Variants in LRFN2 observed in about 807,000 individuals in gnomAD.
The protein encoded by LRFN2 is leucine rich repeat and fibronectin type III domain containing 2.
In LRFN2, 18 loss-of-function variants were observed where a neutral mutation model predicts 37.3. That is an observed-to-expected ratio of 0.48 (90% CI 0.33 to 0.72). The LOEUF is 0.72. Among genes scored for constraint, LRFN2 ranks in the 30% least tolerant of loss-of-function variants. The probability of loss-of-function intolerance (pLI) is 0.02; values close to 1 mark genes in which losing one functional copy is unlikely to be tolerated. For missense variants in LRFN2, 1,006 were observed against 1,060.7 expected (o/e 0.95, Z 0.72); for synonymous variants, 556 against 466.6 (o/e 1.19, Z -2.47).
chr6:40,586,003 C>T (rs1487293352), intron 1 of LRFN2, among the ~76,000 whole-genome samples: 1 of 152,170 alleles, frequency 6.6e-6, no homozygotes, highest in Non-Finnish European at 1.5e-5. Context: ...CTGCTGTCGC[C>T]GGGTGCATTT....
chr6:40,530,461 T>C (rs1766323705), intron 1 of LRFN2, among the ~76,000 whole-genome samples: 1 of 152,124 alleles, frequency 6.6e-6, no homozygotes, highest in South Asian at 2.1e-4. Flanking sequence ...ACAGCAGCAG[T>C]GGTGGTGATT....
At chr6:40,494,602 C>T (rs557818971) in intron 1 of LRFN2, among the ~76,000 whole-genome samples, 22 of 152,260 alleles carry the variant, frequency 1.4e-4, no homozygotes, top group Admixed American at 2.6e-4. Context: ...GGCAGATTAC[C>T]TGTTCAACAC....
intron 1 of LRFN2, among the ~76,000 whole-genome samples, chr6:40,519,143 A>C (rs1765973265): frequency 6.6e-6 from 1 of 152,234 alleles, no homozygotes; most frequent in Non-Finnish European, 1.5e-5. Flanking sequence ...ATAGATTATC[A>C]GTTTTGTTCA....
At chr6:40,455,214 C>T (rs1235730320) in intron 1 of LRFN2, among the ~76,000 whole-genome samples, 1 of 152,220 alleles carries the variant, frequency 6.6e-6, no homozygotes, top group African/African-American at 2.4e-5. Flanking sequence ...TGGCTTATCA[C>T]AGTAGCTTTC....
intron 1 of LRFN2, among the ~76,000 whole-genome samples, chr6:40,452,758 TCTC>T (rs1264070135): frequency 1.3e-5 from 2 of 151,998 alleles, no homozygotes; most frequent in Non-Finnish European, 2.9e-5. Context: ...GAATTATCCT[TCTC>T]CCCCAATACT....
chr6:40,535,315 CTA>C (rs1229201996), intron 1 of LRFN2, among the ~76,000 whole-genome samples: 1 of 152,150 alleles, frequency 6.6e-6, no homozygotes, highest in African/African-American at 2.4e-5. Flanking sequence ...ATTATCATGA[CTA>C]TTATGATTGC....
rs557274230 is a variant in LRFN2 at position 40,446,457 on chromosome 6, G to C, written c.-18-13326C>G. Among the ~76,000 whole-genome samples the C allele has an allele frequency of 1.8e-4, 27 of 152,296 alleles. 1 individual carries two copies. The highest frequency in any genetic ancestry group is 1.6e-3 in the Admixed American group (25 of 15,298). ...CATTCCTCGTGTCTGATCATTACAG[G>C]CTTTTTAGTAATTCTCTCCCCAGCA... On this transcript the variant is annotated intron_variant, in intron 1 of 2. Coordinates refer to ENST00000338305, the MANE Select transcript of LRFN2 (RefSeq NM_020737.3).
intron 1 of LRFN2, among the ~76,000 whole-genome samples, chr6:40,489,655 C>G (rs774422382): frequency 3.9e-5 from 6 of 151,988 alleles, no homozygotes; most frequent in Non-Finnish European, 7.4e-5. Flanking sequence ...GGGAGGAGGG[C>G]AGAAGGACAC....
rs1268759929 is a variant in LRFN2, at chr6:40,457,636, T to TAAA, written c.-18-24506_-18-24505insTTT. Among the ~76,000 whole-genome samples the TAAA allele has an allele frequency of 6.6e-4, 50 of 75,832 alleles. 1 individual carries two copies. The highest frequency in any genetic ancestry group is 1.5e-3 in the African/African-American group (42 of 27,822). 49.7% of individuals were successfully genotyped at this position (75,832 alleles called of 152,430 possible). On this transcript the variant is annotated intron_variant, in intron 1 of 2. Coordinates refer to ENST00000338305, the MANE Select transcript of LRFN2 (RefSeq NM_020737.3). ...CCTAGGCAACAAAGAAAGACCCTGTTTAAAAAAAAAAAAAAAAAAAAAAGA... is the reference window on the plus strand; with the variant it reads ...CCTAGGCAACAAAGAAAGACCCTGTTAAATAAAAAAAAAAAAAAAAAAAAAAGA...
chr6:40,410,430 T>C (rs963127423), intron 2 of LRFN2, among the ~76,000 whole-genome samples: 3 of 152,146 alleles, frequency 2.0e-5, no homozygotes, highest in Admixed American at 6.5e-5. Flanking sequence ...GGAGTTAGCA[T>C]CAAAGTGACC....
chr6:40,442,292 C>G (rs1763856344), intron 1 of LRFN2, among the ~76,000 whole-genome samples: 1 of 152,220 alleles, frequency 6.6e-6, no homozygotes. Context: ...ATGATTTACT[C>G]TCCTCATTAT....
At chr6:40,568,956 T>G (rs1449514787) in intron 1 of LRFN2, among the ~76,000 whole-genome samples, 1 of 152,176 alleles carries the variant, frequency 6.6e-6, no homozygotes, top group Non-Finnish European at 1.5e-5. Flanking sequence ...AGAGATCAGA[T>G]GACTTGCCCA....
chr6:40,426,309 G>A (rs180956125), intron 2 of LRFN2, among the ~76,000 whole-genome samples: 89 of 152,322 alleles, frequency 5.8e-4, no homozygotes, highest in African/African-American at 2.1e-3. Flanking sequence ...CTGGAATGGA[G>A]TCAGCCAGGT....
At chr6:40,460,227 A>G (rs1300207465) in intron 1 of LRFN2, among the ~76,000 whole-genome samples, 1 of 152,178 alleles carries the variant, frequency 6.6e-6, no homozygotes, top group Middle Eastern at 3.2e-3. Context: ...TACTCTGTCA[A>G]TTAAGTCAAA....
At chr6:40,448,800 C>A (rs901229355) in intron 1 of LRFN2, among the ~76,000 whole-genome samples, 13 of 152,202 alleles carry the variant, frequency 8.5e-5, no homozygotes, top group Non-Finnish European at 1.3e-4. Flanking sequence ...TGAACACTTC[C>A]GGCTTCAATT....
intron 1 of LRFN2, among the ~76,000 whole-genome samples, chr6:40,510,223 G>C (rs551422962): frequency 1.3e-5 from 2 of 151,984 alleles, no homozygotes; most frequent in African/African-American, 4.8e-5. Flanking sequence ...TAAGGGGTGA[G>C]TGCATGTGGG....
At chr6:40,400,800 T>G (rs1449007619) in intron 2 of LRFN2, among the ~76,000 whole-genome samples, 1 of 151,646 alleles carries the variant, frequency 6.6e-6, no homozygotes, top group African/African-American at 2.4e-5. Context: ...TATACATATG[T>G]GTTTGGGGTA....
At chr6:40,413,941 G>A (rs1044346901) in intron 2 of LRFN2, among the ~76,000 whole-genome samples, 37 of 152,152 alleles carry the variant, frequency 2.4e-4, no homozygotes, top group African/African-American at 8.0e-4. Context: ...TAGATTGGGC[G>A]ACCAGGAAGG....
At chr6:40,435,048 TATATAGAGAGAGAG>T (rs1289837232) in intron 1 of LRFN2, among the ~76,000 whole-genome samples, 44 of 71,156 alleles carry the variant, frequency 6.2e-4, no homozygotes, top group East Asian at 4.9e-3. Flanking sequence ...TATATATATA[TATATAGAGAGAGAG>T]AGAGAGAGAG....
Sources: allele counts gnomAD v4.1 joint callset (sites outside exome capture counted in the v4.1 genomes callset), GRCh38; gene constraint gnomAD v4.1.1; transcripts MANE v1.5; gene names NCBI Gene and HGNC (gene_info 2026-07-23, HGNC 2026-07-21).